Variants in NNMT observed in about 807,000 individuals in gnomAD.
NNMT encodes the protein nicotinamide N-methyltransferase.
In NNMT, 10 loss-of-function variants were observed where a neutral mutation model predicts 11.7. The ratio of observed to expected loss-of-function variants is 0.85; its 90% CI spans 0.53 to 1.45. NNMT has a LOEUF of 1.45. Among genes scored for constraint, NNMT ranks in the 40% most tolerant of loss-of-function variants. The pLI is 0.00. For synonymous variants in NNMT, 143 were observed against 133.8 expected, an observed-to-expected ratio of 1.07 and a Z score of -0.48; for missense variants, 381 against 319.4, an observed-to-expected ratio of 1.19 and a Z score of -1.47.
intron 2 of NNMT, among the ~76,000 whole-genome samples, chr11:114,265,068 G>A (rs1467148652): frequency 6.6e-6 from 1 of 152,160 alleles, no homozygotes; most frequent in Non-Finnish European, 1.5e-5. Flanking sequence ...TTGCAGGGTA[G>A]GGTTGAAAGT....
At chr11:114,303,314 A>G (rs1053897497) in intron 2 of NNMT, among the ~76,000 whole-genome samples, 1 of 152,192 alleles carries the variant, frequency 6.6e-6, no homozygotes, top group South Asian at 2.1e-4. Context: ...GGAATTTAAC[A>G]ATTTTTGATA....
rs796115987 is a variant in NNMT at position 114,259,322 on chromosome 11, C to T, written c.-217+1444C>T. ...CCCGCTCGGGCACCTCCCCAGGACA[C>T]GTGTACACACACGCAGAGGCCCAGT... On this transcript the variant is annotated intron_variant, in intron 1 of 4. Transcript: ENST00000535401. Among the ~76,000 whole-genome samples the T allele has an allele frequency of 5.8e-4, 85 of 145,906 alleles. 1 individual carries two copies. The highest frequency in any genetic ancestry group is 2.0e-3 in the African/African-American group (78 of 38,192).
At position 114,298,124 on chromosome 11, in the gene NNMT, G is replaced by T. The variant is rs374092212; in HGVS notation, c.328G>T (p.Val110Leu). ...KEPEAFDWSP[V>L]VTYVCDLEGN... is the part of the protein sequence containing the mutation. ...GCCAGAGGCCTTTGACTGGTCCCCA[G>T]TGGTGACCTATGTGTGTGATCTTGA... The change falls in exon 2 of 3, where the codon GTG (valine) becomes TTG (leucine). Residue 110 changes from valine (V) to leucine (L), a missense_variant. Physicochemically the swap from Val to Leu is conservative, Grantham distance 32 (BLOSUM62 1). Transcript: ENST00000299964. The T allele has an allele frequency of 1.3e-5, 21 of 1,614,072 alleles. No homozygotes were observed. The highest frequency in any genetic ancestry group is 3.3e-5 in the Admixed American group (2 of 60,010).
intron 2 of NNMT, among the ~76,000 whole-genome samples, chr11:114,299,850 GTGATCTCTCCTCTTTCATTCT>G (rs1945420981): frequency 6.6e-6 from 1 of 150,824 alleles, no homozygotes; most frequent in Admixed American, 6.6e-5. Flanking sequence ...AGGATCTGTA[GTGATCTCTCCTCTTTCATTCT>G]TGATATTGGT....
At chr11:114,269,058 TA>T (rs59232387) in intron 2 of NNMT, among the ~76,000 whole-genome samples, 37 of 149,070 alleles carry the variant, frequency 2.5e-4, no homozygotes, top group Admixed American at 1.3e-3. Context: ...TCACACATTT[TA>T]AAAAAAAAAG....
Position 114,280,788 on chromosome 11 carries a change from G to A in NNMT, c.-129-15640G>A, listed in dbSNP as rs74944570. Among the ~76,000 whole-genome samples, 110 of 152,254 alleles carry A rather than the reference G, an allele frequency of 7.2e-4. 3 individuals are homozygous for A. In the East Asian group the frequency reaches 0.018, roughly 25 times the overall value. On this transcript the variant is annotated intron_variant, in intron 2 of 4. Coordinates refer to the NNMT transcript ENST00000535401. ...TCTTTCACTCTCTGGGCACAAGAGG[G>A]CAGCCAAGTCTTGAGCTTGGGGGCT...
chr11:114,283,319 C>T (rs146288257), intron 2 of NNMT, among the ~76,000 whole-genome samples: 233 of 152,212 alleles, frequency 1.5e-3, no homozygotes, highest in Middle Eastern at 0.014. Context: ...TCATGAAGAA[C>T]GATGCAGTGG....
intron 1 of NNMT, among the ~76,000 whole-genome samples, chr11:114,259,706 C>T (rs114138581): frequency 1.3e-5 from 2 of 151,708 alleles, no homozygotes; most frequent in African/African-American, 2.4e-5. Context: ...AAAGTGAACT[C>T]GCTCATTTAA....
At chr11:114,305,620 T>G (rs1405790697) in intron 2 of NNMT, among the ~76,000 whole-genome samples, 1 of 151,850 alleles carries the variant, frequency 6.6e-6, no homozygotes, top group Non-Finnish European at 1.5e-5. Context: ...GTCCTTGAGA[T>G]AGTTTGCTCA....
intron 2 of NNMT, among the ~76,000 whole-genome samples, chr11:114,289,765 T>A (rs141577473): frequency 1.3e-5 from 2 of 152,364 alleles, no homozygotes; most frequent in East Asian, 3.9e-4. Flanking sequence ...GGCTAGTATG[T>A]AAGAATTTAT....
chr11:114,271,834 T>C (rs1945172413), intron 2 of NNMT, among the ~76,000 whole-genome samples: 1 of 152,072 alleles, frequency 6.6e-6, no homozygotes, highest in Non-Finnish European at 1.5e-5. Context: ...GTTTAAAAAT[T>C]AATTAGGTAT....
intron 2 of NNMT, among the ~76,000 whole-genome samples, chr11:114,289,980 G>A (rs150719507): frequency 2.0e-5 from 3 of 152,270 alleles, no homozygotes; most frequent in East Asian, 3.9e-4. Flanking sequence ...CTTTCTCACC[G>A]TGTCCTCATG....
At chr11:114,296,322 G>T, upstream of NNMT, 1 of 476,904 alleles carries the variant, frequency 2.1e-6, no homozygotes, top group South Asian at 2.9e-5. Flanking sequence ...CTCCACCCCC[G>T]TTCGCCTAAG....
chr11:114,310,151 A>T (rs1945536827), intron 2 of NNMT, among the ~76,000 whole-genome samples: 1 of 152,220 alleles, frequency 6.6e-6, no homozygotes, highest in South Asian at 2.1e-4. Context: ...GTCATGTGGT[A>T]ACTCTATATT....
chr11:114,271,697 C>A (rs969081712), intron 2 of NNMT, among the ~76,000 whole-genome samples: 2 of 152,164 alleles, frequency 1.3e-5, no homozygotes, highest in African/African-American at 4.8e-5. Context: ...TTACCAGCAT[C>A]CACTCAGTGG....
chr11:114,311,947 C>T lies in NNMT; in HGVS notation c.363-98C>T, dbSNP rs1230104686. On this transcript the variant is annotated intron_variant, in intron 2 of 2. Coordinates refer to ENST00000299964, the MANE Select transcript of NNMT (RefSeq NM_006169.3). ...CGATAGAGGTGGCCCTAAGGACACA[C>T]ATCTGGGACAATACGGCCATTTTTA... 11 of 1,306,686 alleles carry T rather than the reference C, an allele frequency of 8.4e-6. No homozygotes were observed. In the African/African-American group the frequency reaches 8.9e-5, roughly 11 times the overall value. 80.9% of individuals were successfully genotyped at this position (1,306,686 alleles called of 1,614,324 possible). A position where few individuals can be genotyped will look rare whatever the true frequency, so the allele number is the denominator to read the frequency against.
chr11:114,296,585 C>T lies in NNMT; in HGVS notation c.29C>T (p.Thr10Ile). MESGFTSKD[T>I]YLSHFNPRDY... ...GAATCAGGCTTCACCTCCAAGGACACCTATCTAAGCCATTTTAACCCTCGG... is the reference window on the plus strand; with the variant it reads ...GAATCAGGCTTCACCTCCAAGGACATCTATCTAAGCCATTTTAACCCTCGG... The change falls in exon 1 of 3, where the codon ACC becomes ATC. Residue 10 changes from threonine (T) to isoleucine (I), a missense_variant. Coordinates refer to ENST00000299964, the MANE Select transcript of NNMT (RefSeq NM_006169.3). 6.2e-7 allele frequency: 1 copy of T among 1,614,084 alleles called. No homozygotes were observed. Among genetic ancestry groups the T allele is most frequent in the Non-Finnish European group, 8.5e-7 (1 of 1,180,018 alleles).
chr11:114,260,925 G>A (rs11821107), intron 1 of NNMT, among the ~76,000 whole-genome samples: 3,502 of 152,262 alleles, frequency 0.023, 126 homozygotes, highest in African/African-American at 0.077. Context: ...AAAGGCTCCC[G>A]AAGGCCTCAC....
At chr11:114,302,532 G>C (rs969791736) in intron 2 of NNMT, among the ~76,000 whole-genome samples, 3 of 151,676 alleles carry the variant, frequency 2.0e-5, no homozygotes, top group Non-Finnish European at 4.4e-5. Context: ...ATTGTTATTA[G>C]TTTTGCTTTA....
Sources: allele counts gnomAD v4.1 joint callset (sites outside exome capture counted in the v4.1 genomes callset), GRCh38; gene constraint gnomAD v4.1.1; transcripts MANE v1.5; gene names NCBI Gene and HGNC (gene_info 2026-07-23, HGNC 2026-07-21).